TNFRSF9: variants seen among roughly 807,000 people sequenced by gnomAD.
TNFRSF9 encodes the protein TNF receptor superfamily member 9.
Under a neutral mutation model 28.8 loss-of-function variants are expected in TNFRSF9, and 16 were observed. The ratio of observed to expected loss-of-function variants is 0.55; its 90% CI spans 0.38 to 0.84. TNFRSF9 has a LOEUF of 0.84. TNFRSF9 is among the 40% of genes least tolerant of loss of function. The pLI is 0.00. For synonymous variants in TNFRSF9, 131 were observed against 117.0 expected (o/e 1.12, Z -0.77); for missense variants, 303 against 315.0 (o/e 0.96, Z 0.29).
At chr1:7,931,000 C>G (rs1639724771) in intron 7 of TNFRSF9, among the ~76,000 whole-genome samples, 1 of 152,084 alleles carries the variant, frequency 6.6e-6, no homozygotes, top group Non-Finnish European at 1.5e-5. Context: ...AAGAGGAAAT[C>G]CAAATAGCCA....
At chr1:7,923,903 T>A (rs1476227621) in intron 7 of TNFRSF9, among the ~76,000 whole-genome samples, 1 of 152,126 alleles carries the variant, frequency 6.6e-6, no homozygotes, top group Non-Finnish European at 1.5e-5. Context: ...ACTTGTATAG[T>A]GAAAACTACA....
At chr1:7,932,079 G>A (rs1639739979) in intron 7 of TNFRSF9, among the ~76,000 whole-genome samples, 1 of 152,158 alleles carries the variant, frequency 6.6e-6, no homozygotes, top group Non-Finnish European at 1.5e-5. Flanking sequence ...GGAGGTTGCG[G>A]TAAGCCGGGA....
rs149900356 is a variant in TNFRSF9, at chr1:7,927,932, C to G, written c.679+5230G>C. The stretch of plus-strand genomic sequence containing the variant: ...AAACCATATATATGCCAAAGGACTC[C>G]TATCTGGGAAATACGAAGAACTCTT... On this transcript the variant is annotated intron_variant, in intron 7 of 7. Transcript: ENST00000377507. Among the ~76,000 whole-genome samples, 451 of 152,130 alleles carry G rather than the reference C, an allele frequency of 3.0e-3. 1 individual carries two copies. Among genetic ancestry groups the G allele is most frequent in the African/African-American group, 0.01 (426 of 41,508 alleles).
rs1468366914 is a variant in TNFRSF9, at chr1:7,916,538, C to T, written c.*4297G>A. On this transcript the variant is annotated 3_prime_UTR_variant, in exon 8 of 8. Transcript: ENST00000377507. ...AGCCTCGCTCCATTATCTTGGATACCCCAACCCTGTGGGGCATGACCAGTC... is the reference window on the plus strand; with the variant it reads ...AGCCTCGCTCCATTATCTTGGATACTCCAACCCTGTGGGGCATGACCAGTC... The T allele has an allele frequency of 6.6e-6, 1 of 152,126 alleles. No homozygotes were observed. Among genetic ancestry groups the T allele is most frequent in the African/African-American group, 2.4e-5 (1 of 41,392 alleles). The allele number at this position is 152,126 out of a possible 1,614,324, so 9.4% of individuals were successfully genotyped here.
In TNFRSF9 at chr1:7,917,718, T is replaced by C. The variant is rs1183064129; in HGVS notation, c.*3117A>G. 6.6e-6 allele frequency: 1 copy of C among 151,916 alleles called. No individual in the cohort carries two copies. Among genetic ancestry groups the C allele is most frequent in the Non-Finnish European group, 1.5e-5 (1 of 67,974 alleles). 9.4% of individuals were successfully genotyped at this position (151,916 alleles called of 1,614,324 possible). On this transcript the variant is annotated 3_prime_UTR_variant, in exon 8 of 8. Coordinates refer to ENST00000377507, the MANE Select transcript of TNFRSF9 (RefSeq NM_001561.6). Reference sequence around the variant, plus strand: ...CAAATCAAATGAAGAACTTTTTGCTTATTACCAGAAAGACAAAGAAAGACA... The same window carrying C: ...CAAATCAAATGAAGAACTTTTTGCTCATTACCAGAAAGACAAAGAAAGACA...
chr1:7,938,099 T>A, intron 4 of TNFRSF9, 94 bp downstream of exon 4: 1 of 1,239,286 alleles, frequency 8.1e-7, no homozygotes. Context: ...TTTAAGGTTC[T>A]ACAAATCTGT....
At chr1:7,931,652 T>A (rs1032791511) in intron 7 of TNFRSF9, among the ~76,000 whole-genome samples, 1 of 152,220 alleles carries the variant, frequency 6.6e-6, no homozygotes, top group Non-Finnish European at 1.5e-5. Flanking sequence ...AAGAGGGCTG[T>A]GATCTAGAAA....
chr1:7,937,702 C>G lies in TNFRSF9; in HGVS notation c.401G>C (p.Arg134Pro). ...TFNDQKRGIC[R>P]PWTNCSLDGK... is the part of the protein sequence containing the mutation. The stretch of plus-strand genomic sequence containing the variant: ...AAATTATACGTACTTTGTCCAGGGT[C>G]GACAGATGCCACGTTTCTGATCGTT... Residue 134 changes from arginine to proline, a missense_variant, in exon 5 of 8, where the codon CGA becomes CCA. Transcript: ENST00000377507. 6.2e-7 allele frequency: 1 copy of G among 1,613,330 alleles called. No homozygotes were observed. Among genetic ancestry groups the G allele is most frequent in the Non-Finnish European group, 8.5e-7 (1 of 1,179,384 alleles).
Position 7,919,010 on chromosome 1 carries a change from T to C in TNFRSF9, c.*1825A>G, listed in dbSNP as rs1639520406. ...CACCCCTATTTACAGAATATACTTT[T>C]CTGCCCTATTGATGCCTGGCTTGGC... On this transcript the variant is annotated 3_prime_UTR_variant, in exon 8 of 8. Transcript: ENST00000377507. The C allele has an allele frequency of 6.6e-6, 1 of 152,210 alleles. No homozygotes were observed. The highest frequency in any genetic ancestry group is 1.5e-5 in the Non-Finnish European group (1 of 68,044). 9.4% of individuals were successfully genotyped at this position (152,210 alleles called of 1,614,324 possible).
At chr1:7,929,967 C>CT (rs56299901) in intron 7 of TNFRSF9, among the ~76,000 whole-genome samples, 90,543 of 112,812 alleles carry the variant, frequency 0.8, 38,530 homozygotes, top group Non-Finnish European at 0.93. Flanking sequence ...GACCTAAAAC[C>CT]TTTTTTTTTT....
rs924410871 is a variant in TNFRSF9, at chr1:7,935,066, T to A, written c.491A>T (p.Asp164Val). Residue 164 changes from aspartate to valine, a missense_variant, in exon 6 of 8, where the codon GAC (aspartate) becomes GTC (valine). Physicochemically the swap from Asp to Val is radical, Grantham distance 152. Transcript: ENST00000377507. ...RDVVCGPSPA[D>V]LSPGASSVTP... Reference sequence around the variant, plus strand: ...CACAGAGGATGCTCCCGGAGAGAGGTCGGCTGGAGATGGTCCACAGACCAC... The same window carrying A: ...CACAGAGGATGCTCCCGGAGAGAGGACGGCTGGAGATGGTCCACAGACCAC... 6.2e-7 allele frequency: 1 copy of A among 1,614,136 alleles called. No individual in the cohort carries two copies. The highest frequency in any genetic ancestry group is 8.5e-7 in the Non-Finnish European group (1 of 1,180,016).
At chr1:7,935,295 C>T in intron 5 of TNFRSF9, 152 bp from the exon 6 acceptor site, 1 of 861,364 alleles carries the variant, frequency 1.2e-6, no homozygotes, top group Non-Finnish European at 1.8e-6. Context: ...TTTTGAAAAA[C>T]TTCCACTTGA....
At chr1:7,925,962 G>A (rs1639645890) in intron 7 of TNFRSF9, among the ~76,000 whole-genome samples, 1 of 152,172 alleles carries the variant, frequency 6.6e-6, no homozygotes, top group South Asian at 2.1e-4. Context: ...GTGCAGTGAT[G>A]CGATCTCGGC....
intron 7 of TNFRSF9, among the ~76,000 whole-genome samples, chr1:7,923,597 G>A (rs1162787317): frequency 6.6e-6 from 1 of 152,198 alleles, no homozygotes; most frequent in Non-Finnish European, 1.5e-5. Context: ...CCAATACTAT[G>A]GGGGCCAAGG....
chr1:7,933,932 G>T (rs764303739), intron 6 of TNFRSF9, among the ~76,000 whole-genome samples: 2 of 152,172 alleles, frequency 1.3e-5, no homozygotes, highest in South Asian at 2.1e-4. Flanking sequence ...CAGGAGAATC[G>T]CTTGAACCTG....
At chr1:7,940,640 C>T (rs1433278512) in intron 1 of TNFRSF9, 144 bp downstream of exon 1, 3 of 152,120 alleles carry the variant, frequency 2.0e-5, no homozygotes, top group South Asian at 2.1e-4. Context: ...ACTCTTCAGG[C>T]TAAGTTATTG....
chr1:7,927,204 A>G (rs1199866158), intron 7 of TNFRSF9, among the ~76,000 whole-genome samples: 1 of 152,196 alleles, frequency 6.6e-6, no homozygotes, highest in East Asian at 1.9e-4. Context: ...CTGCCCTGCC[A>G]CCAAAAAGTT....
chr1:7,936,189 G>A (rs1639813528), intron 5 of TNFRSF9, among the ~76,000 whole-genome samples: 1 of 152,172 alleles, frequency 6.6e-6, no homozygotes. Flanking sequence ...GCCAAGGCAA[G>A]CGGATCACTT....
At chr1:7,930,128 C>A (rs1315100048) in intron 7 of TNFRSF9, among the ~76,000 whole-genome samples, 1 of 152,008 alleles carries the variant, frequency 6.6e-6, no homozygotes, top group East Asian at 1.9e-4. Flanking sequence ...CACCACCACG[C>A]CTGGCTAATT....
Sources: allele counts gnomAD v4.1 joint callset (sites outside exome capture counted in the v4.1 genomes callset), GRCh38; gene constraint gnomAD v4.1.1; transcripts MANE v1.5; gene names NCBI Gene and HGNC (gene_info 2026-07-23, HGNC 2026-07-21).